The following ACTL8 variants were observed in gnomAD, a reference collection of about 807,000 sequenced individuals.
The protein encoded by ACTL8 is actin-like protein 8.
In ACTL8, 3 loss-of-function variants were observed where a neutral mutation model predicts 9.3. The observed-to-expected ratio is 0.32, with a 90% confidence interval of 0.15 to 0.83. The LOEUF (loss-of-function observed/expected upper bound fraction) is 0.83. Ranked by LOEUF, ACTL8 falls within the 40% of genes least tolerant of loss-of-function variation. ACTL8 has a pLI of 0.57. For missense variants in ACTL8, 381 were observed against 492.2 expected (o/e 0.77, Z 2.14); for synonymous variants, 224 against 205.9 (o/e 1.09, Z -0.75).
At chr1:17,802,939 C>T (rs1386658954) in intron 1 of ACTL8, among the ~76,000 whole-genome samples, 3 of 152,102 alleles carry the variant, frequency 2.0e-5, no homozygotes, top group Admixed American at 6.5e-5. Flanking sequence ...AAGCCGAGAT[C>T]GTGCCATTGT....
chr1:17,795,275 C>T (rs932644760), intron 1 of ACTL8, among the ~76,000 whole-genome samples: 5 of 152,150 alleles, frequency 3.3e-5, no homozygotes, highest in African/African-American at 1.2e-4. Context: ...AGAAGACAGC[C>T]CCTCCCCACC....
chr1:17,773,113 G>A (rs1358486123), intron 1 of ACTL8, among the ~76,000 whole-genome samples: 1 of 152,218 alleles, frequency 6.6e-6, no homozygotes, highest in Non-Finnish European at 1.5e-5. Context: ...AAGATAGGGA[G>A]TTTGCTTTCT....
chr1:17,794,245 G>C (rs1032935400), intron 1 of ACTL8, among the ~76,000 whole-genome samples: 1 of 152,236 alleles, frequency 6.6e-6, no homozygotes, highest in Non-Finnish European at 1.5e-5. Flanking sequence ...TAAGAGCCCA[G>C]TGGAGTGGAA....
At chr1:17,811,438 GA>G (rs1205921633) in intron 1 of ACTL8, among the ~76,000 whole-genome samples, 1 of 152,156 alleles carries the variant, frequency 6.6e-6, no homozygotes, top group Non-Finnish European at 1.5e-5. Context: ...TCAAAGAGCA[GA>G]ATTTTAAAAT....
intron 1 of ACTL8, among the ~76,000 whole-genome samples, chr1:17,784,652 G>C (rs369935680): frequency 6.6e-6 from 1 of 152,164 alleles, no homozygotes; most frequent in Admixed American, 6.6e-5. Context: ...GTACCATGAG[G>C]TGTTCTTCTC....
At chr1:17,797,424 C>T (rs923361072) in intron 1 of ACTL8, among the ~76,000 whole-genome samples, 3 of 152,206 alleles carry the variant, frequency 2.0e-5, no homozygotes, top group Non-Finnish European at 4.4e-5. Context: ...GCCATATCGG[C>T]GCTTCCCAGG....
intron 1 of ACTL8, among the ~76,000 whole-genome samples, chr1:17,756,901 G>A (rs181241207): frequency 6.6e-6 from 1 of 152,270 alleles, no homozygotes; most frequent in African/African-American, 2.4e-5. Context: ...AGAACTGTGG[G>A]GTGGGATGGA....
chr1:17,777,676 G>C (rs536500662), intron 1 of ACTL8, among the ~76,000 whole-genome samples: 1 of 152,312 alleles, frequency 6.6e-6, no homozygotes, highest in South Asian at 2.1e-4. Flanking sequence ...TTGGTGGTAT[G>C]TGTGCTAGAA....
At chr1:17,819,195 G>A (rs1397674263) in intron 1 of ACTL8, among the ~76,000 whole-genome samples, 2 of 152,208 alleles carry the variant, frequency 1.3e-5, no homozygotes, top group Non-Finnish European at 2.9e-5. Flanking sequence ...CACATGCCAG[G>A]GCCGAGAAGC....
At chr1:17,795,607 A>G (rs1284922464) in intron 1 of ACTL8, among the ~76,000 whole-genome samples, 1 of 152,222 alleles carries the variant, frequency 6.6e-6, no homozygotes, top group Non-Finnish European at 1.5e-5. Context: ...ACGTTGCAGC[A>G]CACACCAGGA....
intron 1 of ACTL8, among the ~76,000 whole-genome samples, chr1:17,808,912 C>T (rs1426987247): frequency 1.3e-5 from 2 of 152,124 alleles, no homozygotes; most frequent in Admixed American, 6.5e-5. Context: ...TGGCCAGAGA[C>T]TGGTGGGCTT....
chr1:17,796,713 G>A (rs1263190297), intron 1 of ACTL8, among the ~76,000 whole-genome samples: 2 of 152,194 alleles, frequency 1.3e-5, no homozygotes, highest in Admixed American at 6.5e-5. Context: ...AGGTCCACCC[G>A]GCTTCAAAAG....
chr1:17,820,027 T>C (rs1480713608), intron 1 of ACTL8, among the ~76,000 whole-genome samples: 1 of 152,152 alleles, frequency 6.6e-6, no homozygotes, highest in African/African-American at 2.4e-5. Context: ...AACTTTGTTT[T>C]TACTAAAAGT....
chr1:17,785,541 G>A (rs2066191024), intron 1 of ACTL8, among the ~76,000 whole-genome samples: 1 of 152,238 alleles, frequency 6.6e-6, no homozygotes, highest in Non-Finnish European at 1.5e-5. Context: ...TGACAGCACA[G>A]ATGTACACTG....
intron 1 of ACTL8, among the ~76,000 whole-genome samples, chr1:17,792,326 C>T (rs1348553486): frequency 2.0e-5 from 3 of 152,194 alleles, no homozygotes; most frequent in Non-Finnish European, 4.4e-5. Flanking sequence ...CTTTCATAGG[C>T]CCATGGCTGG....
intron 1 of ACTL8, among the ~76,000 whole-genome samples, chr1:17,813,539 A>T (rs574377616): frequency 3.0e-4 from 46 of 152,338 alleles, no homozygotes; most frequent in African/African-American, 1.1e-3. Flanking sequence ...AAATCTTATT[A>T]AAGAATAATA....
At chr1:17,801,652 C>G (rs1430813998) in intron 1 of ACTL8, among the ~76,000 whole-genome samples, 1 of 151,838 alleles carries the variant, frequency 6.6e-6, no homozygotes, top group Non-Finnish European at 1.5e-5. Context: ...TAATTATGCT[C>G]AAAGCATACA....
chr1:17,800,920 A>C (rs576155462), intron 1 of ACTL8, among the ~76,000 whole-genome samples: 1 of 152,226 alleles, frequency 6.6e-6, no homozygotes, highest in Admixed American at 6.5e-5. Context: ...AAGAGAAATA[A>C]GGTGAAAATT....
intron 1 of ACTL8, among the ~76,000 whole-genome samples, chr1:17,798,994 C>A (rs987110057): frequency 6.6e-6 from 1 of 152,058 alleles, no homozygotes; most frequent in Non-Finnish European, 1.5e-5. Context: ...AGCGAGCTCT[C>A]CACGGATGCA....
Sources: gnomAD v4.1 joint callset for allele counts (sites outside exome capture counted in the v4.1 genomes callset) on GRCh38, gnomAD v4.1.1 for gene constraint, MANE v1.5 for transcripts, NCBI Gene and HGNC (gene_info 2026-07-23, HGNC 2026-07-21) for gene names.